Variants in POM121C observed in about 807,000 individuals in gnomAD.
The protein encoded by POM121C is POM121 transmembrane nucleoporin C, also known as nuclear envelope pore membrane protein POM 121C.
In POM121C, 20 loss-of-function variants were observed where a neutral mutation model predicts 66.4. That is an observed-to-expected ratio of 0.30 (90% CI 0.21 to 0.44). The LOEUF (loss-of-function observed/expected upper bound fraction) is 0.44, where lower values mean the gene tolerates loss of function less well. Among genes scored for constraint, POM121C ranks in the 20% least tolerant of loss-of-function variants. The pLI, the probability that POM121C is intolerant of heterozygous loss-of-function variation, is 1.00. For missense variants in POM121C, 580 were observed against 1,225.7 expected, an observed-to-expected ratio of 0.47 and a Z score of 7.87; for synonymous variants, 286 against 528.0, an observed-to-expected ratio of 0.54 and a Z score of 6.28.
chr7:75,464,649 G>GA (rs1303325451), intron 3 of POM121C, among the ~76,000 whole-genome samples: 4 of 148,804 alleles, frequency 2.7e-5, no homozygotes, highest in African/African-American at 9.9e-5. Flanking sequence ...AAAAAGAAAG[G>GA]AAAAAAATAG....
At chr7:75,442,676 C>A (rs1161568954) in intron 3 of POM121C, 1 of 1,429,586 alleles carries the variant, frequency 7.0e-7, no homozygotes, top group African/African-American at 1.5e-5. Context: ...CGCTATCGGC[C>A]GCCGCCGCTC....
At chr7:75,438,603 C>T (rs1326579984) in intron 6 of POM121C, among the ~76,000 whole-genome samples, 3 of 152,328 alleles carry the variant, frequency 2.0e-5, no homozygotes, top group East Asian at 1.9e-4. Context: ...CAGTGCTCCA[C>T]GGACAGTGAG....
At chr7:75,485,624 G>A (rs1297322504) in intron 1 of POM121C, among the ~76,000 whole-genome samples, 4 of 152,160 alleles carry the variant, frequency 2.6e-5, no homozygotes, top group African/African-American at 2.4e-5. Context: ...GGTTAGCGGG[G>A]AGTGGAGACG....
rs1182030521 is a variant in POM121C, at chr7:75,468,281, T to C, written c.-152+6423A>G. ...CAGGTATCTCATCCCGTTTCTTAAGTCCAAATTCTGTTTCCACATTGAAGA... is the reference window on the plus strand; with the variant it reads ...CAGGTATCTCATCCCGTTTCTTAAGCCCAAATTCTGTTTCCACATTGAAGA... On this transcript the variant is annotated intron_variant, in intron 3 of 14. Coordinates refer to ENST00000615331, the MANE Select transcript of POM121C (RefSeq NM_001099415.3). Among the ~76,000 whole-genome samples the C allele has an allele frequency of 3.4e-5, 5 of 147,970 alleles. No homozygotes were observed. In the South Asian group the frequency reaches 1.1e-3, roughly 32 times the overall value.
chr7:75,442,084 A>C, intron 3 of POM121C: 1 of 1,360,170 alleles, frequency 7.4e-7, no homozygotes, highest in Non-Finnish European at 9.5e-7. Flanking sequence ...TTTAAAAGTC[A>C]AGTCCTCGAT....
rs781838408 is a variant in POM121C at position 75,421,824 on chromosome 7, C to T, written c.2428G>A (p.Gly810Ser). The change falls in exon 13 of 15, where the codon GGC becomes AGC. Residue 810 changes from glycine (G) to serine (S), a missense_variant. Coordinates refer to ENST00000615331, the MANE Select transcript of POM121C (RefSeq NM_001099415.3). ...VFSFGAATSS[G>S]FGATTQTASS... Reference sequence around the variant, plus strand: ...GCGGTCTGGGTGGTGGCTCCAAAGCCGGAGCTGGTGGCTGCACCGAAGGAG... The same window carrying T: ...GCGGTCTGGGTGGTGGCTCCAAAGCTGGAGCTGGTGGCTGCACCGAAGGAG... 6.0e-5 allele frequency: 96 copies of T among 1,609,630 alleles called. 1 individual carries two copies. The East Asian group carries it at 8.7e-4, about 15-fold the overall frequency.
At chr7:75,431,955 G>A (rs1276107096) in intron 7 of POM121C, among the ~76,000 whole-genome samples, 2 of 152,064 alleles carry the variant, frequency 1.3e-5, no homozygotes, top group African/African-American at 4.8e-5. Context: ...GGAGGCAGAG[G>A]CCTCACCTGA....
chr7:75,449,158 G>A (rs1554475264), intron 3 of POM121C, among the ~76,000 whole-genome samples: 2 of 149,440 alleles, frequency 1.3e-5, no homozygotes, highest in African/African-American at 4.9e-5. Flanking sequence ...GGGACGGGGC[G>A]GACCTTACCT....
rs587763466 is a variant in POM121C, at chr7:75,452,308, A to C, written c.-151-10661T>G. The stretch of plus-strand genomic sequence containing the variant: ...TCCCATCTCTACTAAAAATACAAAA[A>C]ATTTAGCTGGGTGTAGTGGTGCACA... On this transcript the variant is annotated intron_variant, in intron 3 of 14. Transcript: ENST00000615331. Among the ~76,000 whole-genome samples, 280 of 151,590 alleles carry C rather than the reference A, an allele frequency of 1.8e-3. 1 individual carries two copies. The highest frequency in any genetic ancestry group is 6.6e-3 in the African/African-American group (271 of 41,354).
At chr7:75,443,444 A>G (rs1790735842) in intron 3 of POM121C, among the ~76,000 whole-genome samples, 1 of 152,190 alleles carries the variant, frequency 6.6e-6, no homozygotes, top group African/African-American at 2.4e-5. Flanking sequence ...AGCTGTTTAA[A>G]AAGTCTGGTA....
chr7:75,458,819 C>A (rs1418483648), intron 3 of POM121C, among the ~76,000 whole-genome samples: 1 of 152,142 alleles, frequency 6.6e-6, no homozygotes, highest in Non-Finnish European at 1.5e-5. Context: ...ACTCCTCATA[C>A]TAAAAACCAG....
At chr7:75,476,635 C>T (rs1792088461) in intron 1 of POM121C, among the ~76,000 whole-genome samples, 1 of 152,036 alleles carries the variant, frequency 6.6e-6, no homozygotes, top group Non-Finnish European at 1.5e-5. Flanking sequence ...AGAGTAATAA[C>T]TTTCTGGGTT....
chr7:75,434,284 T>C (rs1554472754), intron 7 of POM121C, among the ~76,000 whole-genome samples: 1 of 152,054 alleles, frequency 6.6e-6, no homozygotes, highest in East Asian at 1.9e-4. Flanking sequence ...ATACTATTTT[T>C]TTTTTTTTTA....
chr7:75,470,802 T>C (rs1233767650), intron 3 of POM121C, among the ~76,000 whole-genome samples: 1 of 151,924 alleles, frequency 6.6e-6, no homozygotes, highest in African/African-American at 2.4e-5. Flanking sequence ...CTGGCTAATT[T>C]TTAAATTTTT....
At chr7:75,448,023 C>CAAA (rs3973313) in intron 3 of POM121C, among the ~76,000 whole-genome samples, 3 of 98,330 alleles carry the variant, frequency 3.1e-5, no homozygotes, top group Non-Finnish European at 6.0e-5. Flanking sequence ...GACTCCGTCT[C>CAAA]AAAAAAAAAA....
At chr7:75,433,996 C>T (rs1223619846) in intron 7 of POM121C, among the ~76,000 whole-genome samples, 1 of 152,188 alleles carries the variant, frequency 6.6e-6, no homozygotes. Context: ...ATTCCTGCCA[C>T]GCAGCCCTCT....
At position 75,463,449 on chromosome 7, in the gene POM121C, C is replaced by CTT. The variant is rs1191010098; in HGVS notation, c.-152+11253_-152+11254dup. On this transcript the variant is annotated intron_variant, in intron 3 of 14. Transcript: ENST00000615331. The stretch of plus-strand genomic sequence containing the variant: ...CAAAGATGGAAAGAGCTGGGTTTTT[C>CTT]TTTTTTTTTTTTTTTTTTTTACCTT... 5.0e-3 allele frequency among the ~76,000 whole-genome samples: 607 copies of CTT among 120,760 alleles called. 9 individuals carry two copies. Among genetic ancestry groups the CTT allele is most frequent in the African/African-American group, 0.017 (570 of 33,096 alleles). The allele number at this position is 120,760 out of a possible 152,430, so 79.2% of individuals were successfully genotyped here.
intron 3 of POM121C, among the ~76,000 whole-genome samples, chr7:75,457,887 T>A (rs1279287441): frequency 6.6e-6 from 1 of 152,220 alleles, no homozygotes; most frequent in Non-Finnish European, 1.5e-5. Flanking sequence ...ATATATATAT[T>A]TTTTCTTTTA....
chr7:75,456,484 GGC>G (rs1791215926), intron 3 of POM121C, among the ~76,000 whole-genome samples: 1 of 152,184 alleles, frequency 6.6e-6, no homozygotes, highest in South Asian at 2.1e-4. Context: ...AAAAGGCTGA[GGC>G]GAGTCACAGG....
Sources: gnomAD v4.1 joint callset for allele counts (sites outside exome capture counted in the v4.1 genomes callset) on GRCh38, gnomAD v4.1.1 for gene constraint, MANE v1.5 for transcripts, NCBI Gene and HGNC (gene_info 2026-07-23, HGNC 2026-07-21) for gene names.